The following CDK6 variants were observed in gnomAD, a reference collection of about 807,000 sequenced individuals.
The protein encoded by CDK6 is cyclin dependent kinase 6, also known as cyclin-dependent kinase 6.
Under a neutral mutation model 37.1 loss-of-function variants are expected in CDK6, and 6 were observed. The ratio of observed to expected loss-of-function variants is 0.16; its 90% CI spans 0.09 to 0.32. The LOEUF (loss-of-function observed/expected upper bound fraction) is 0.32, where lower values mean the gene tolerates loss of function less well. CDK6 is among the 10% of genes least tolerant of loss of function. The probability of loss-of-function intolerance (pLI) is 1.00; values close to 1 mark genes in which losing one functional copy is unlikely to be tolerated. For missense variants in CDK6, 224 were observed against 418.9 expected (o/e 0.53, Z 4.06); for synonymous variants, 160 against 161.3 (o/e 0.99, Z 0.06).
chr7:92,791,316 A>C (rs1170442852), intron 2 of CDK6, among the ~76,000 whole-genome samples: 2 of 152,174 alleles, frequency 1.3e-5, no homozygotes, highest in Admixed American at 1.3e-4. Flanking sequence ...CAACAACTTT[A>C]CAGCTCTGAC....
intron 4 of CDK6, among the ~76,000 whole-genome samples, chr7:92,724,673 T>C (rs2116706694): frequency 6.6e-6 from 1 of 152,260 alleles, no homozygotes. Flanking sequence ...AACAGGGCCA[T>C]GCTGTCCCTG....
intron 3 of CDK6, among the ~76,000 whole-genome samples, chr7:92,760,957 T>C (rs1002394788): frequency 1.3e-5 from 2 of 152,092 alleles, no homozygotes; most frequent in African/African-American, 2.4e-5. Flanking sequence ...GCATTTCCCA[T>C]GTCTACCAGC....
chr7:92,786,559 A>G (rs1800137183), intron 2 of CDK6, among the ~76,000 whole-genome samples: 1 of 151,786 alleles, frequency 6.6e-6, no homozygotes, highest in Non-Finnish European at 1.5e-5. Context: ...AAATGAGCCC[A>G]CATCACTGTG....
At chr7:92,826,956 A>G (rs774040979) in intron 2 of CDK6, among the ~76,000 whole-genome samples, 1 of 152,174 alleles carries the variant, frequency 6.6e-6, no homozygotes, top group Non-Finnish European at 1.5e-5. Flanking sequence ...TAAAGTCACT[A>G]AACTGAAAAT....
intron 3 of CDK6, among the ~76,000 whole-genome samples, chr7:92,765,133 G>A (rs973447418): frequency 3.9e-5 from 6 of 152,088 alleles, no homozygotes; most frequent in East Asian, 1.9e-4. Context: ...TATAGGGAAA[G>A]TAATTTTAAA....
chr7:92,667,804 A>C lies in CDK6; in HGVS notation c.647+3622T>G, dbSNP rs140959832. ...AGAGCTCAAGCAATCCACCTGCTTC[A>C]GCCTCCCAAAGTGCTGGCATTACAG... On this transcript the variant is annotated intron_variant, in intron 5 of 7. Coordinates refer to ENST00000424848, the MANE Select transcript of CDK6 (RefSeq NM_001145306.2). Among the ~76,000 whole-genome samples the C allele has an allele frequency of 2.4e-3, 369 of 152,248 alleles. 1 individual carries two copies. The highest frequency in any genetic ancestry group is 3.3e-3 in the Non-Finnish European group (224 of 68,024).
At chr7:92,735,726 C>T (rs1213963490) in intron 3 of CDK6, among the ~76,000 whole-genome samples, 2 of 152,110 alleles carry the variant, frequency 1.3e-5, no homozygotes, top group Non-Finnish European at 2.9e-5. Flanking sequence ...ACCCAATAGT[C>T]TATAGATATG....
chr7:92,757,810 G>A (rs1187345809), intron 3 of CDK6, among the ~76,000 whole-genome samples: 1 of 152,148 alleles, frequency 6.6e-6, no homozygotes, highest in Non-Finnish European at 1.5e-5. Context: ...AACCTTGCCA[G>A]CATCTGCTAT....
chr7:92,729,079 A>T (rs1021688251), intron 3 of CDK6, among the ~76,000 whole-genome samples: 1 of 152,192 alleles, frequency 6.6e-6, no homozygotes, highest in Non-Finnish European at 1.5e-5. Context: ...CCAGAGGATT[A>T]TATAAATAAA....
intron 5 of CDK6, among the ~76,000 whole-genome samples, chr7:92,626,876 T>C (rs557325265): frequency 6.6e-6 from 1 of 152,168 alleles, no homozygotes; most frequent in Non-Finnish European, 1.5e-5. Flanking sequence ...TTTTAAATAT[T>C]TTCCTTGTAT....
intron 5 of CDK6, among the ~76,000 whole-genome samples, chr7:92,627,230 A>C (rs1167256401): frequency 1.3e-5 from 2 of 152,138 alleles, no homozygotes; most frequent in East Asian, 1.9e-4. Flanking sequence ...ATGTGATTCC[A>C]TTTATATAGA....
Position 92,661,107 on chromosome 7 carries a change from C to T in CDK6, c.647+10319G>A, listed in dbSNP as rs192272821. On this transcript the variant is annotated intron_variant, in intron 5 of 7. Transcript: ENST00000424848. ...AGTGAGTGGCCACAAGATTCAAATGCTGCAGACATCAAATGAAATGAGAAT... is the reference window on the plus strand; with the variant it reads ...AGTGAGTGGCCACAAGATTCAAATGTTGCAGACATCAAATGAAATGAGAAT... 1.7e-3 allele frequency among the ~76,000 whole-genome samples: 266 copies of T among 152,236 alleles called. 1 individual carries two copies. The highest frequency in any genetic ancestry group is 5.9e-3 in the African/African-American group (246 of 41,534).
intron 3 of CDK6, among the ~76,000 whole-genome samples, chr7:92,741,151 TAGAA>T (rs1385661092): frequency 6.6e-6 from 1 of 152,192 alleles, no homozygotes; most frequent in African/African-American, 2.4e-5. Flanking sequence ...AAGCAGCAAT[TAGAA>T]AGAACATGGG....
At chr7:92,679,894 G>A (rs1419849358) in intron 4 of CDK6, among the ~76,000 whole-genome samples, 5 of 151,350 alleles carry the variant, frequency 3.3e-5, no homozygotes, top group African/African-American at 1.2e-4. Context: ...CTAATTTTTT[G>A]TATTTTTAGA....
In CDK6 at chr7:92,833,949, C is replaced by T. The variant is rs914971209; in HGVS notation, c.-367-259G>A. The stretch of plus-strand genomic sequence containing the variant: ...GCCCCTCGGGGATGAGCGAGCGGCG[C>T]GGGACGCAGTGGAACGGGAGGGGGC... On this transcript the variant is annotated intron_variant, in intron 1 of 7. Coordinates refer to ENST00000424848, the MANE Select transcript of CDK6 (RefSeq NM_001145306.2). This position sits in a 1 kb window ranked among gnomAD's most constrained non-coding sequence, Gnocchi z 6.1. 2 of 398,558 alleles carry T rather than the reference C, an allele frequency of 5.0e-6. No homozygotes were observed. Among genetic ancestry groups the T allele is most frequent in the Non-Finnish European group, 4.4e-6 (1 of 226,172 alleles). The allele number at this position is 398,558 out of a possible 1,614,324, so 24.7% of individuals were successfully genotyped here.
chr7:92,828,694 T>C (rs1413555496), intron 2 of CDK6, among the ~76,000 whole-genome samples: 1 of 152,150 alleles, frequency 6.6e-6, no homozygotes, highest in African/African-American at 2.4e-5. Context: ...TTTATACAAG[T>C]TTTCCTCTTA....
intron 5 of CDK6, among the ~76,000 whole-genome samples, chr7:92,649,204 C>T (rs146715128): frequency 1.9e-3 from 284 of 152,354 alleles, no homozygotes; most frequent in Non-Finnish European, 2.9e-3. Context: ...ATTGACCGAT[C>T]ATTTCACAGC....
chr7:92,632,433 C>G (rs1438056227), intron 5 of CDK6, among the ~76,000 whole-genome samples: 1 of 152,154 alleles, frequency 6.6e-6, no homozygotes, highest in African/African-American at 2.4e-5. Flanking sequence ...AGTCCAAACA[C>G]TGAAAGACTG....
chr7:92,806,691 G>C (rs1278458116), intron 2 of CDK6, among the ~76,000 whole-genome samples: 2 of 152,186 alleles, frequency 1.3e-5, no homozygotes, highest in East Asian at 3.9e-4. Flanking sequence ...AAAACCAATA[G>C]AAATTTTGCA....
Sources: gnomAD v4.1 joint callset for allele counts (sites outside exome capture counted in the v4.1 genomes callset) on GRCh38, gnomAD v4.1.1 for gene constraint, Gnocchi (gnomAD v3.1) non-coding constraint, MANE v1.5 for transcripts, NCBI Gene and HGNC (gene_info 2026-07-23, HGNC 2026-07-21) for gene names.